Variants in BICC1 observed in about 807,000 individuals in gnomAD.
BICC1 encodes the protein BicC family RNA binding protein 1.
Under a neutral mutation model 111.0 loss-of-function variants are expected in BICC1, and 43 were observed. That is an observed-to-expected ratio of 0.39 (90% CI 0.30 to 0.50). The LOEUF is 0.50. Ranked by LOEUF, BICC1 falls within the 20% of genes least tolerant of loss-of-function variation. BICC1 has a pLI of 0.88. For missense variants in BICC1, 1,091 were observed against 1,203.2 expected, an observed-to-expected ratio of 0.91 and a Z score of 1.38; for synonymous variants, 467 against 434.4, an observed-to-expected ratio of 1.07 and a Z score of -0.93.
At chr10:58,793,188 A>G (rs1843234904) in intron 8 of BICC1, among the ~76,000 whole-genome samples, 1 of 152,210 alleles carries the variant, frequency 6.6e-6, no homozygotes, top group Admixed American at 6.5e-5. Flanking sequence ...AACTTAACAA[A>G]ACTGAAGTTA....
intron 1 of BICC1, among the ~76,000 whole-genome samples, chr10:58,578,497 T>G (rs1226573848): frequency 6.6e-6 from 1 of 152,188 alleles, no homozygotes; most frequent in Non-Finnish European, 1.5e-5. Context: ...TGAAGAAACT[T>G]TATTTTCTTT....
intron 1 of BICC1, among the ~76,000 whole-genome samples, chr10:58,563,156 C>T (rs1340016160): frequency 1.3e-5 from 2 of 152,050 alleles, no homozygotes; most frequent in Non-Finnish European, 2.9e-5. Context: ...GTGGAGGGGT[C>T]ACAGGGATAT....
intron 3 of BICC1, among the ~76,000 whole-genome samples, chr10:58,707,728 G>T (rs1438384954): frequency 6.6e-6 from 1 of 151,570 alleles, no homozygotes; most frequent in Non-Finnish European, 1.5e-5. Flanking sequence ...ATGGAGTTTT[G>T]CTCTTATTGC....
At chr10:58,806,710 TGAAA>T in intron 16 of BICC1, 87 bp downstream of exon 16, 1 of 1,199,836 alleles carries the variant, frequency 8.3e-7, no homozygotes, top group Non-Finnish European at 1.2e-6. Flanking sequence ...ATCGAGAACT[TGAAA>T]ACTCAGAAAA....
At chr10:58,673,848 C>T (rs1240844298) in intron 2 of BICC1, among the ~76,000 whole-genome samples, 2 of 147,108 alleles carry the variant, frequency 1.4e-5, no homozygotes, top group African/African-American at 5.1e-5. Context: ...CTAGGCTGGT[C>T]TCGAACTCTT....
chr10:58,574,409 G>A (rs1844049212), intron 1 of BICC1, among the ~76,000 whole-genome samples: 2 of 152,076 alleles, frequency 1.3e-5, no homozygotes, highest in Admixed American at 6.6e-5. Context: ...TTTTTTCTGG[G>A]AAGTGAGATA....
chr10:58,813,716 C>G, intron 17 of BICC1, 114 bp from the exon 18 acceptor site: 2 of 1,073,816 alleles, frequency 1.9e-6, no homozygotes, highest in South Asian at 1.5e-5. Flanking sequence ...TGAGTAACTG[C>G]GGTGGTTGGC....
intron 1 of BICC1, among the ~76,000 whole-genome samples, chr10:58,600,791 G>C (rs148955120): frequency 6.6e-6 from 1 of 152,062 alleles, no homozygotes; most frequent in East Asian, 1.9e-4. Context: ...TAGTAAATGT[G>C]ATTTTCTAAT....
rs989354742 is a variant in BICC1, at chr10:58,663,135, C to T, written c.238-38939C>T. On this transcript the variant is annotated intron_variant, in intron 2 of 20. Transcript: ENST00000373886. ...AGGCTGCAGTGCAGTGGCACTATCT[C>T]GGCTCACTGCAACCTTTGCTTCCTG... Among the ~76,000 whole-genome samples the T allele has an allele frequency of 2.1e-5, 3 of 144,942 alleles. No individual in the cohort carries two copies. The East Asian group carries it at 6.2e-4, about 30-fold the overall frequency.
At chr10:58,719,942 T>A (rs1264545500) in intron 3 of BICC1, among the ~76,000 whole-genome samples, 5 of 152,188 alleles carry the variant, frequency 3.3e-5, no homozygotes, top group African/African-American at 1.2e-4. Flanking sequence ...AGCCTACTTC[T>A]TGAGTATGTC....
intron 1 of BICC1, among the ~76,000 whole-genome samples, chr10:58,536,952 G>A (rs1305579994): frequency 2.6e-5 from 4 of 151,764 alleles, no homozygotes; most frequent in East Asian, 1.9e-4. Flanking sequence ...AAAATCTAGC[G>A]GAAATGGATA....
In BICC1 at chr10:58,828,714, A is replaced by G. The variant is rs751060299; in HGVS notation, c.2795-47A>G. On this transcript the variant is annotated intron_variant, in intron 20 of 20. Transcript: ENST00000373886. ...TCTAGTGCCATGTCCTGTAGTATAC[A>G]TAGAACTTCTCTTGAGCTCCTAACA... The G allele has an allele frequency of 4.4e-6, 7 of 1,596,810 alleles. No homozygotes were observed. In the African/African-American group the frequency reaches 8.0e-5, roughly 18 times the overall value.
At chr10:58,542,160 A>C (rs1012674536) in intron 1 of BICC1, among the ~76,000 whole-genome samples, 5 of 146,870 alleles carry the variant, frequency 3.4e-5, no homozygotes, top group Non-Finnish European at 3.0e-5. Context: ...CAAAAAAAAA[A>C]AAAAAACAAA....
intron 2 of BICC1, among the ~76,000 whole-genome samples, chr10:58,652,297 C>G (rs1217193517): frequency 6.6e-6 from 1 of 151,968 alleles, no homozygotes; most frequent in Non-Finnish European, 1.5e-5. Context: ...TTTGGGAATC[C>G]TGAGTTTTGA....
At chr10:58,733,227 C>T (rs1406001550) in intron 3 of BICC1, among the ~76,000 whole-genome samples, 1 of 152,176 alleles carries the variant, frequency 6.6e-6, no homozygotes, top group African/African-American at 2.4e-5. Flanking sequence ...GTGAAACAAT[C>T]ACTAGCCCTT....
At chr10:58,647,697 C>T (rs1838310834) in intron 2 of BICC1, among the ~76,000 whole-genome samples, 1 of 151,854 alleles carries the variant, frequency 6.6e-6, no homozygotes, top group Non-Finnish European at 1.5e-5. Context: ...AGCTACTTTT[C>T]AATCTTTTTG....
chr10:58,825,799 G>T (rs900861855), intron 20 of BICC1, among the ~76,000 whole-genome samples: 10 of 152,160 alleles, frequency 6.6e-5, no homozygotes, highest in African/African-American at 2.2e-4. Context: ...ATTTTTCATT[G>T]TGTTTAGTAC....
intron 1 of BICC1, among the ~76,000 whole-genome samples, chr10:58,564,641 T>C (rs1843702736): frequency 2.0e-5 from 3 of 152,202 alleles, no homozygotes; most frequent in Admixed American, 2.0e-4. Context: ...CAGTGTACCA[T>C]CATCCAGAGG....
At chr10:58,645,175 C>T (rs539964801) in intron 2 of BICC1, among the ~76,000 whole-genome samples, 7 of 151,818 alleles carry the variant, frequency 4.6e-5, no homozygotes, top group East Asian at 1.9e-4. Flanking sequence ...TTTGGGAGAC[C>T]GAGGTGGGTG....
Sources: allele counts gnomAD v4.1 joint callset (sites outside exome capture counted in the v4.1 genomes callset), GRCh38; gene constraint gnomAD v4.1.1; transcripts MANE v1.5; gene names NCBI Gene and HGNC (gene_info 2026-07-23, HGNC 2026-07-21).